Variants in GPX3 observed in about 807,000 individuals in gnomAD.
GPX3 encodes GPx-3.
A neutral mutation model predicts 25.1 loss-of-function variants in GPX3; 22 were observed. That is an observed-to-expected ratio of 0.88 (90% CI 0.63 to 1.25). The LOEUF is 1.25. GPX3 is among the 50% of genes most tolerant of loss of function. The pLI is 0.00. For missense variants in GPX3, 278 were observed against 286.6 expected (o/e 0.97, Z 0.22); for synonymous variants, 110 against 114.5 (o/e 0.96, Z 0.25).
rs376670831 is a variant in GPX3, at chr5:151,028,116, G to T, written c.667G>T (p.Val223Phe). The change falls in exon 5 of 5, where the codon GTC (valine) becomes TTC (phenylalanine). Residue 223 changes from valine (V) to phenylalanine (F), a missense_variant. Physicochemically the swap from Val to Phe is conservative, Grantham distance 50. Coordinates refer to ENST00000388825, the MANE Select transcript of GPX3 (RefSeq NM_002084.5). ...SYMRRQAALG[V>F]KRK ...CATGAGGCGGCAGGCAGCCCTGGGGGTCAAGAGGAAGTAACTGAAGGCCGT... is the reference window on the plus strand; with the variant it reads ...CATGAGGCGGCAGGCAGCCCTGGGGTTCAAGAGGAAGTAACTGAAGGCCGT... 1 of 1,574,272 alleles carries T rather than the reference G, an allele frequency of 6.4e-7. No homozygotes were observed. Among genetic ancestry groups the T allele is most frequent in the Non-Finnish European group, 8.6e-7 (1 of 1,159,188 alleles).
chr5:151,028,781 G>A lies in GPX3; in HGVS notation c.*651G>A, dbSNP rs1756613636. The A allele has an allele frequency of 6.5e-6, 1 of 153,422 alleles. No homozygotes were observed. The highest frequency in any genetic ancestry group is 1.5e-5 in the Non-Finnish European group (1 of 68,624). 9.5% of individuals were successfully genotyped at this position (153,422 alleles called of 1,614,324 possible). On this transcript the variant is annotated 3_prime_UTR_variant, in exon 5 of 5. Coordinates refer to ENST00000388825, the MANE Select transcript of GPX3 (RefSeq NM_002084.5). ...GCAAGGGCCACGGACCCCATGGCAG[G>A]GGTGGCGTCTTCATGAGGGAGGGGC... is the stretch of plus-strand genomic sequence containing the variant.
chr5:151,028,938 C>G lies in GPX3; in HGVS notation c.*808C>G, dbSNP rs1756620581. On this transcript the variant is annotated 3_prime_UTR_variant, in exon 5 of 5. Coordinates refer to ENST00000388825, the MANE Select transcript of GPX3 (RefSeq NM_002084.5). ...GGACGTGCCCTCACCCCTCACTGGT[C>G]CACTGGCTTGAGACTCACCCCGTCT... 6.5e-6 allele frequency: 1 copy of G among 152,978 alleles called. No individual in the cohort carries two copies. The highest frequency in any genetic ancestry group is 2.4e-5 in the African/African-American group (1 of 41,474). The allele number at this position is 152,978 out of a possible 1,614,324, so 9.5% of individuals were successfully genotyped here. A position where few individuals can be genotyped will look rare whatever the true frequency, so the allele number is the denominator to read the frequency against.
At position 151,020,713 on chromosome 5, in the gene GPX3, C is replaced by T. The variant is rs377710604; in HGVS notation, c.59C>T (p.Ser20Leu). The stretch of plus-strand genomic sequence containing the variant: ...TCCCTGCTCCTGGCCGGCTTCGTCT[C>T]GCAGAGCCGGGGACAAGAGAAGTCG... ...LLSLLLAGFVSQSRGQEKSKM... is the reference protein window; with the variant it reads ...LLSLLLAGFVLQSRGQEKSKM... The change falls in exon 1 of 5, where the codon TCG becomes TTG. Residue 20 changes from serine to leucine, a missense_variant. Ser to Leu is a moderately radical substitution (Grantham distance 145). Coordinates refer to ENST00000388825, the MANE Select transcript of GPX3 (RefSeq NM_002084.5). 1 of 1,611,946 alleles carries T rather than the reference C, an allele frequency of 6.2e-7. No individual in the cohort carries two copies. Among genetic ancestry groups the T allele is most frequent in the African/African-American group, 1.3e-5 (1 of 75,054 alleles).
chr5:151,027,744 C>A, intron 4 of GPX3, 165 bp from the exon 5 acceptor site: 1 of 727,172 alleles, frequency 1.4e-6, no homozygotes, highest in Non-Finnish European at 2.5e-6. Flanking sequence ...AGTGAACATA[C>A]TAAGGGTCTC....
chr5:151,026,761 T>G lies in GPX3; in HGVS notation c.242-139T>G. On this transcript the variant is annotated intron_variant, in intron 2 of 4. Coordinates refer to ENST00000388825, the MANE Select transcript of GPX3 (RefSeq NM_002084.5). Reference sequence around the variant, plus strand: ...AGTCCCAGCATTGCTGTGAACTCACTGGTGATCCTGCGCAAGTCCCTCCCT... The same window carrying G: ...AGTCCCAGCATTGCTGTGAACTCACGGGTGATCCTGCGCAAGTCCCTCCCT... 4 of 659,418 alleles carry G rather than the reference T, an allele frequency of 6.1e-6. No homozygotes were observed. In the South Asian group the frequency reaches 7.3e-5, roughly 12 times the overall value. 40.8% of individuals were successfully genotyped at this position (659,418 alleles called of 1,614,324 possible).
Position 151,028,023 on chromosome 5 carries a change from G to A in GPX3, c.574G>A (p.Gly192Ser). ...TGAGAAGTTCCTGGTGGGGCCAGAT[G>A]GTATACCCATCATGCGCTGGCACCA... ...NFEKFLVGPD[G>S]IPIMRWHHRT... Residue 192 changes from glycine to serine, a missense_variant, in exon 5 of 5, where the codon GGT becomes AGT. Transcript: ENST00000388825. 1 of 1,614,132 alleles carries A rather than the reference G, an allele frequency of 6.2e-7. No individual in the cohort carries two copies. The highest frequency in any genetic ancestry group is 8.5e-7 in the Non-Finnish European group (1 of 1,180,020).
In GPX3 at chr5:151,020,699, G is replaced by C; in HGVS notation, c.45G>C (p.Leu15=). ...LQASCLLSLL[L]AGFVSQSRGQ... ...CGTCCTGCCTGCTTTCCCTGCTCCT[G>C]GCCGGCTTCGTCTCGCAGAGCCGGG... Residue 15 remains leucine, a synonymous_variant, in exon 1 of 5, where the codon CTG becomes CTC. Coordinates refer to ENST00000388825, the MANE Select transcript of GPX3 (RefSeq NM_002084.5). 1 of 1,611,790 alleles carries C rather than the reference G, an allele frequency of 6.2e-7. No homozygotes were observed. The highest frequency in any genetic ancestry group is 2.2e-5 in the East Asian group (1 of 44,818).
rs117244301 is a variant in GPX3, at chr5:151,026,142, C to T, written c.241+649C>T. On this transcript the variant is annotated intron_variant, in intron 2 of 4. Coordinates refer to ENST00000388825, the MANE Select transcript of GPX3 (RefSeq NM_002084.5). ...CTCCTGATATGCTTACTCCTTTCTC[C>T]CTAGCTGGGGTAGAATACAGAGGCT... 2.4e-4 allele frequency among the ~76,000 whole-genome samples: 36 copies of T among 152,288 alleles called. No homozygotes were observed. In the East Asian group the frequency reaches 6.0e-3, roughly 25 times the overall value.
intron 1 of GPX3, chr5:151,020,974 C>T (rs1372491645): frequency 1.7e-6 from 1 of 595,572 alleles, no homozygotes; most frequent in East Asian, 3.0e-5. Context: ...TTCAGGCGGG[C>T]AGAATGACTA....
At chr5:151,027,039 T>C in intron 3 of GPX3, 22 bp downstream of exon 3, 1 of 1,489,344 alleles carries the variant, frequency 6.7e-7, no homozygotes, top group South Asian at 1.1e-5. Flanking sequence ...CTCAGCATCC[T>C]GAGAAAGCTC....
At chr5:151,023,423 C>T (rs928804182) in intron 1 of GPX3, among the ~76,000 whole-genome samples, 14 of 152,194 alleles carry the variant, frequency 9.2e-5, no homozygotes, top group African/African-American at 3.4e-4. Context: ...TATGCCCAGA[C>T]AGTGTAAGTG....
intron 1 of GPX3, chr5:151,021,599 G>A (rs1756477515): frequency 6.6e-6 from 1 of 152,324 alleles, no homozygotes; most frequent in African/African-American, 2.4e-5. Context: ...TTCAGAAGAA[G>A]AGGTAGAATT....
At position 151,027,085 on chromosome 5, in the gene GPX3, A is replaced by T. The variant is rs8177444; in HGVS notation, c.359+68A>T. The T allele has an allele frequency of 0.011, 11,252 of 1,009,776 alleles. 613 individuals are homozygous for T. The African/African-American group carries it at 0.13, about 12-fold the overall frequency. The allele number at this position is 1,009,776 out of a possible 1,614,324, so 62.6% of individuals were successfully genotyped here. On this transcript the variant is annotated intron_variant, in intron 3 of 4. Coordinates refer to ENST00000388825, the MANE Select transcript of GPX3 (RefSeq NM_002084.5). ...GCCCACATCTTGTTATCAACCCCAA[A>T]TCATGGTGGACATTTATCGGCCACC...
intron 2 of GPX3, 63 bp downstream of exon 2, chr5:151,025,556 G>GC: frequency 2.1e-6 from 3 of 1,422,882 alleles, no homozygotes. Context: ...AATCACAGGA[G>GC]CTTTTCTGGT....
Position 151,026,883 on chromosome 5 carries a change from C to CT in GPX3, c.242-14dup. ...TCGCCAGGATACTCCCACATCTGCT[C>CT]TTTCTCTTTGGCCCAGAACTGAATG... On this transcript the variant is annotated splice_polypyrimidine_tract_variant and intron_variant, in intron 2 of 4. Transcript: ENST00000388825. 1.3e-6 allele frequency: 2 copies of CT among 1,588,272 alleles called. No homozygotes were observed. Among genetic ancestry groups the CT allele is most frequent in the Non-Finnish European group, 1.7e-6 (2 of 1,157,948 alleles).
chr5:151,026,610 T>C, intron 2 of GPX3: 1 of 339,846 alleles, frequency 2.9e-6, no homozygotes, highest in Non-Finnish European at 5.3e-6. Flanking sequence ...GAATGAGTGC[T>C]CTAGCTGGCC....
chr5:151,022,372 G>A (rs1206420431), intron 1 of GPX3, among the ~76,000 whole-genome samples: 1 of 152,212 alleles, frequency 6.6e-6, no homozygotes, highest in Non-Finnish European at 1.5e-5. Flanking sequence ...AGAATAGGAT[G>A]GGGATGGTCT....
chr5:151,026,672 G>A, intron 2 of GPX3: 1 of 424,174 alleles, frequency 2.4e-6, no homozygotes, highest in Non-Finnish European at 4.2e-6. Context: ...ACTTGAGGAA[G>A]GGTATTATTC....
chr5:151,028,081 T>G lies in GPX3; in HGVS notation c.632T>G (p.Ile211Ser), dbSNP rs886805020. The G allele has an allele frequency of 9.9e-6, 16 of 1,609,216 alleles. No homozygotes were observed. Among genetic ancestry groups the G allele is most frequent in the Non-Finnish European group, 1.4e-5 (16 of 1,177,624 alleles). The change falls in exon 5 of 5, where the codon ATC becomes AGC. Residue 211 changes from isoleucine (I) to serine (S), a missense_variant. Ile to Ser is a moderately radical substitution (Grantham distance 142, BLOSUM62 -2). Coordinates refer to ENST00000388825, the MANE Select transcript of GPX3 (RefSeq NM_002084.5). ...RTTVSNVKMD[I>S]LSYMRRQAAL... is the part of the protein sequence containing the mutation. ...ACGGTCAGCAACGTCAAGATGGACA[T>G]CCTGTCCTACATGAGGCGGCAGGCA...
Sources: gnomAD v4.1 joint callset for allele counts (sites outside exome capture counted in the v4.1 genomes callset) on GRCh38, gnomAD v4.1.1 for gene constraint, MANE v1.5 for transcripts, NCBI Gene and HGNC (gene_info 2026-07-23, HGNC 2026-07-21) for gene names.